CISD2: variants seen among roughly 807,000 people sequenced by gnomAD.
The protein encoded by CISD2 is CDGSH iron-sulfur domain-containing protein 2.
In CISD2, 1 loss-of-function variant was observed where a neutral mutation model predicts 12.9. The ratio of observed to expected loss-of-function variants is 0.08; its 90% confidence interval spans 0.03 to 0.37. The LOEUF is 0.37. Among genes scored for constraint, CISD2 ranks in the 10% least tolerant of loss-of-function variants. CISD2 has a pLI of 0.99. For synonymous variants in CISD2, 50 were observed against 60.6 expected (o/e 0.83, Z 0.81); for missense variants, 97 against 163.1 (o/e 0.59, Z 2.21).
At chr4:102,880,224 G>A (rs886389162) in intron 1 of CISD2, among the ~76,000 whole-genome samples, 4 of 152,164 alleles carry the variant, frequency 2.6e-5, no homozygotes, top group Non-Finnish European at 4.4e-5. Context: ...AATTACAGGC[G>A]TAAGCCACCA....
At chr4:102,871,386 T>C (rs1304574960) in intron 1 of CISD2, among the ~76,000 whole-genome samples, 1 of 152,210 alleles carries the variant, frequency 6.6e-6, no homozygotes, top group African/African-American at 2.4e-5. Flanking sequence ...TGAAGACTGA[T>C]TCTCAGAAAT....
At chr4:102,871,146 C>A (rs1175293625) in intron 1 of CISD2, among the ~76,000 whole-genome samples, 2 of 152,126 alleles carry the variant, frequency 1.3e-5, no homozygotes, top group African/African-American at 4.8e-5. Flanking sequence ...ATGGTGGCTG[C>A]ATTTGTATTA....
In CISD2 at chr4:102,885,259, A is replaced by G. The variant is rs1374209195; in HGVS notation, c.147A>G (p.Ala49=). The G allele has an allele frequency of 1.2e-6, 2 of 1,614,146 alleles. No homozygotes were observed. Among genetic ancestry groups the G allele is most frequent in the Admixed American group, 1.7e-5 (1 of 60,022 alleles). The change falls in exon 2 of 3, where the codon GCA becomes GCG. Residue 49 remains alanine, a synonymous_variant. Coordinates refer to ENST00000273986, the MANE Select transcript of CISD2 (RefSeq NM_001008388.5). ...TATTGCCTTTCCTTGGTGTACTCGCACTTCTTGGCTACCTTGCAGTTCGTC... is the reference window on the plus strand; with the variant it reads ...TATTGCCTTTCCTTGGTGTACTCGCGCTTCTTGGCTACCTTGCAGTTCGTC... ...LRLLPFLGVL[A]LLGYLAVRPF...
At chr4:102,877,309 A>G (rs1430469151) in intron 1 of CISD2, among the ~76,000 whole-genome samples, 1 of 152,218 alleles carries the variant, frequency 6.6e-6, no homozygotes, top group Non-Finnish European at 1.5e-5. Flanking sequence ...CTGGGTAAAT[A>G]CACCTATTCC....
Position 102,875,659 on chromosome 4 carries a change from A to T in CISD2, c.103+6472A>T, listed in dbSNP as rs185831668. ...TACAAACTCAATTAGGCTAAAACTTACTGAGGTCTTGGTTTATGTAAGTCT... is the reference window on the plus strand; with the variant it reads ...TACAAACTCAATTAGGCTAAAACTTTCTGAGGTCTTGGTTTATGTAAGTCT... On this transcript the variant is annotated intron_variant, in intron 1 of 2. Transcript: ENST00000273986. Among the ~76,000 whole-genome samples the T allele has an allele frequency of 1.3e-4, 20 of 152,334 alleles. No homozygotes were observed. The East Asian group carries it at 3.9e-3, about 29-fold the overall frequency.
Position 102,892,066 on chromosome 4 carries a change from T to C in CISD2, c.*4636T>C, listed in dbSNP as rs1403820425. 6.6e-6 allele frequency: 1 copy of C among 152,192 alleles called. No individual in the cohort carries two copies. The highest frequency in any genetic ancestry group is 1.9e-4 in the East Asian group (1 of 5,196). 9.4% of individuals were successfully genotyped at this position (152,192 alleles called of 1,614,324 possible). On this transcript the variant is annotated 3_prime_UTR_variant, in exon 3 of 3. Transcript: ENST00000273986. ...GCAAGTAAACTAATTTTATCTACTT[T>C]CATATATTTTGAGACAAAGTCTGGC...
intron 2 of CISD2, among the ~76,000 whole-genome samples, chr4:102,886,455 C>T (rs1733920885): frequency 6.6e-6 from 1 of 151,814 alleles, no homozygotes; most frequent in Non-Finnish European, 1.5e-5. Context: ...CACGCCACTG[C>T]ACTCCAGCCT....
chr4:102,869,329 C>A, intron 1 of CISD2, 142 bp downstream of exon 1: 1 of 1,154,168 alleles, frequency 8.7e-7, no homozygotes, highest in Non-Finnish European at 1.3e-6. Context: ...GGTGGGCGCG[C>A]GCCGACGCAG....
intron 1 of CISD2, 133 bp downstream of exon 1, chr4:102,869,320 G>C: frequency 7.2e-6 from 9 of 1,253,500 alleles, no homozygotes; most frequent in Non-Finnish European, 1.0e-5. Flanking sequence ...GCAGAGGAAG[G>C]TGGGCGCGCG....
chr4:102,883,451 A>C (rs1469594444), intron 1 of CISD2, among the ~76,000 whole-genome samples: 2 of 152,136 alleles, frequency 1.3e-5, no homozygotes, highest in Non-Finnish European at 2.9e-5. Context: ...CCTCCTGATC[A>C]ACCCTAGTAC....
Position 102,887,511 on chromosome 4 carries a change from A to G in CISD2, c.*81A>G, listed in dbSNP as rs1733991380. ...CTTAATTATTACTACTGGTTGAACA[A>G]TTATTTCTTCCAATTTATTTTCTTC... On this transcript the variant is annotated 3_prime_UTR_variant, in exon 3 of 3. Transcript: ENST00000273986. The G allele has an allele frequency of 1.3e-6, 1 of 774,102 alleles. No homozygotes were observed. Among genetic ancestry groups the G allele is most frequent in the South Asian group, 1.6e-5 (1 of 63,942 alleles). The allele number at this position is 774,102 out of a possible 1,614,324, so 48.0% of individuals were successfully genotyped here.
At chr4:102,872,686 TA>T (rs139308772) in intron 1 of CISD2, among the ~76,000 whole-genome samples, 2,795 of 152,268 alleles carry the variant, frequency 0.018, 80 homozygotes, top group African/African-American at 0.061. Flanking sequence ...TAGCTATTAT[TA>T]AAAAATGTTT....
chr4:102,876,878 C>G (rs192612073), intron 1 of CISD2, among the ~76,000 whole-genome samples: 2 of 152,276 alleles, frequency 1.3e-5, no homozygotes, highest in Admixed American at 6.5e-5. Flanking sequence ...GCGCAGACAC[C>G]TTCTTCACAA....
chr4:102,876,012 AG>A (rs1368991461), intron 1 of CISD2, among the ~76,000 whole-genome samples: 1 of 152,134 alleles, frequency 6.6e-6, no homozygotes, highest in Admixed American at 6.5e-5. Flanking sequence ...GCTTTGCCCC[AG>A]GTTAGTTTTT....
At position 102,890,911 on chromosome 4, in the gene CISD2, G is replaced by A. The variant is rs1436813503; in HGVS notation, c.*3481G>A. The A allele has an allele frequency of 3.4e-5, 5 of 145,036 alleles. No homozygotes were observed. The highest frequency in any genetic ancestry group is 4.0e-4 in the East Asian group (2 of 5,016). The allele number at this position is 145,036 out of a possible 1,614,324, so 9.0% of individuals were successfully genotyped here. A position where few individuals can be genotyped will look rare whatever the true frequency, so the allele number is the denominator to read the frequency against. On this transcript the variant is annotated 3_prime_UTR_variant, in exon 3 of 3. Transcript: ENST00000273986. ...TGTGGCAGAAATCAGTACGAAGTTC[G>A]TAGGACAGGAGGAAACCAATATAAA...
intron 2 of CISD2, 151 bp downstream of exon 2, chr4:102,885,581 T>C: frequency 1.5e-6 from 1 of 675,304 alleles, no homozygotes; most frequent in Non-Finnish European, 2.6e-6. Context: ...AGTTTTCATG[T>C]CATGATAGAT....
At chr4:102,873,845 C>T (rs1442256417) in intron 1 of CISD2, among the ~76,000 whole-genome samples, 1 of 151,326 alleles carries the variant, frequency 6.6e-6, no homozygotes, top group African/African-American at 2.4e-5. Flanking sequence ...CAAAACAGGC[C>T]AGGTACGGTG....
rs1578315498 is a variant in CISD2, at chr4:102,885,486, C to T, written c.318+56C>T. 3.8e-6 allele frequency: 5 copies of T among 1,317,926 alleles called. No individual in the cohort carries two copies. In the East Asian group the frequency reaches 9.2e-5, roughly 24 times the overall value. 81.6% of individuals were successfully genotyped at this position (1,317,926 alleles called of 1,614,324 possible). On this transcript the variant is annotated intron_variant, in intron 2 of 2. Transcript: ENST00000273986. ...TTTTGCAGTGCTAGGATTGTTTCGC[C>T]TCTTAAATCCCCAGTTTTGAAGTTC...
chr4:102,881,955 G>A (rs1479436244), intron 1 of CISD2, among the ~76,000 whole-genome samples: 1 of 152,180 alleles, frequency 6.6e-6, no homozygotes, highest in African/African-American at 2.4e-5. Flanking sequence ...ACTTCGTGGG[G>A]CTGAGGCAGG....
Sources: gnomAD v4.1 joint callset for allele counts (sites outside exome capture counted in the v4.1 genomes callset) on GRCh38, gnomAD v4.1.1 for gene constraint, MANE v1.5 for transcripts, NCBI Gene and HGNC (gene_info 2026-07-23, HGNC 2026-07-21) for gene names.